TPH1: variants seen among roughly 807,000 people sequenced by gnomAD.
The protein encoded by TPH1 is tryptophan 5-hydroxylase 1.
A neutral mutation model predicts 49.5 loss-of-function variants in TPH1; 37 were observed. That is an observed-to-expected ratio of 0.75 (90% CI 0.58 to 0.98). The LOEUF (loss-of-function observed/expected upper bound fraction) is 0.98. Ranked by LOEUF, TPH1 falls within the 50% of genes least tolerant of loss-of-function variation. The probability of loss-of-function intolerance (pLI) is 0.00; values close to 1 mark genes in which losing one functional copy is unlikely to be tolerated. For missense variants in TPH1, 487 were observed against 523.6 expected (o/e 0.93, Z 0.68); for synonymous variants, 160 against 182.1 (o/e 0.88, Z 0.98).
Position 18,019,330 on chromosome 11 carries a change from T to C in TPH1, c.*1661A>G. ...AGTAGCTGACTAAACCTAAAAATGA[T>C]TGAAAATACGATGTTTAATATACCA... On this transcript the variant is annotated 3_prime_UTR_variant, in exon 11 of 11. Transcript: ENST00000682019. 1 of 167,338 alleles carries C rather than the reference T, an allele frequency of 6.0e-6. No individual in the cohort carries two copies. Among genetic ancestry groups the C allele is most frequent in the Admixed American group, 6.0e-5 (1 of 16,626 alleles). The allele number at this position is 167,338 out of a possible 1,614,324, so 10.4% of individuals were successfully genotyped here. A position where few individuals can be genotyped will look rare whatever the true frequency, so the allele number is the denominator to read the frequency against.
intron 1 of TPH1, among the ~76,000 whole-genome samples, chr11:18,042,060 C>CA (rs1394228973): frequency 3.3e-5 from 5 of 152,180 alleles, no homozygotes; most frequent in Non-Finnish European, 2.9e-5. Context: ...GGAGTACACT[C>CA]AACCACCCCT....
intron 3 of TPH1, among the ~76,000 whole-genome samples, chr11:18,035,396 C>T (rs1467596691): frequency 1.5e-5 from 1 of 65,220 alleles, no homozygotes. Flanking sequence ...CTTTCTTTTT[C>T]TTTCTTTTTT....
At chr11:18,029,391 G>A (rs781581826) in intron 5 of TPH1, 30 bp from the exon 6 acceptor site, 7 of 1,600,416 alleles carry the variant, frequency 4.4e-6, no homozygotes, top group South Asian at 1.1e-5. Context: ...GAGTTGTTTT[G>A]AATTAGCATT....
At chr11:18,040,863 T>G in intron 1 of TPH1, 75 bp from the exon 2 acceptor site, 6 of 1,363,408 alleles carry the variant, frequency 4.4e-6, no homozygotes, top group Non-Finnish European at 6.1e-6. Context: ...AACTAAGGGC[T>G]CATTTACTTC....
intron 1 of TPH1, among the ~76,000 whole-genome samples, chr11:18,043,809 T>G (rs1590269721): frequency 6.6e-6 from 1 of 151,674 alleles, no homozygotes; most frequent in Non-Finnish European, 1.5e-5. Context: ...TAGGCTGCAG[T>G]GATCCATGAT....
At position 18,033,367 on chromosome 11, in the gene TPH1, T is replaced by C. The variant is rs760209402; in HGVS notation, c.309A>G (p.Glu103=). Reference sequence around the variant, plus strand: ...TCTTCTTTGGAAACCAAGGAACAGTTTCCATACCTGTAAAATTTAAAATAA... The same window carrying C: ...TCTTCTTTGGAAACCAAGGAACAGTCTCCATACCTGTAAAATTTAAAATAA... ...DNFTLKEDGM[E]TVPWFPKKIS... The change falls in exon 4 of 11, where the codon GAA becomes GAG. Residue 103 remains glutamate, a synonymous_variant. Coordinates refer to ENST00000682019, the MANE Select transcript of TPH1 (RefSeq NM_004179.3). The C allele has an allele frequency of 6.2e-7, 1 of 1,609,764 alleles. No homozygotes were observed.
intron 9 of TPH1, 99 bp downstream of exon 9, chr11:18,023,789 T>C: frequency 8.5e-6 from 7 of 824,662 alleles, no homozygotes; most frequent in Non-Finnish European, 1.0e-5. Flanking sequence ...TCCCCAAGTA[T>C]GTTCCATAGT....
rs762098899 is a variant in TPH1 at position 18,026,627 on chromosome 11, T to G, written c.668-2A>C. 1 of 1,614,024 alleles carries G rather than the reference T, an allele frequency of 6.2e-7. No homozygotes were observed. Among genetic ancestry groups the G allele is most frequent in the Non-Finnish European group, 8.5e-7 (1 of 1,179,940 alleles). On this transcript the variant is annotated splice_acceptor_variant, in intron 6 of 10. Coordinates refer to ENST00000682019, the MANE Select transcript of TPH1 (RefSeq NM_004179.3). LOFTEE classifies it high-confidence loss of function. ...GACGGATGGAAAAACCTGTACGCTC[T>G]GCAAAGCAAAGGAGAAAACAAAGAA...
chr11:18,045,451 A>G (rs560646067), intron 1 of TPH1, among the ~76,000 whole-genome samples: 1 of 150,770 alleles, frequency 6.6e-6, no homozygotes, highest in African/African-American at 2.5e-5. Context: ...ATAACTTTAC[A>G]GAAACATTGA....
At chr11:18,031,170 C>G (rs1225350468) in intron 4 of TPH1, among the ~76,000 whole-genome samples, 1 of 152,130 alleles carries the variant, frequency 6.6e-6, no homozygotes, top group Non-Finnish European at 1.5e-5. Context: ...CTGTCTATTT[C>G]TATGTATTTT....
chr11:18,036,949 G>GA (rs1848052764), intron 2 of TPH1, among the ~76,000 whole-genome samples: 1 of 152,158 alleles, frequency 6.6e-6, no homozygotes, highest in Admixed American at 6.5e-5. Flanking sequence ...GGAAGATTAA[G>GA]AAAATAAAGT....
At chr11:18,045,181 A>C (rs1212822667) in intron 1 of TPH1, among the ~76,000 whole-genome samples, 1 of 152,246 alleles carries the variant, frequency 6.6e-6, no homozygotes. Context: ...TGAAGACAGA[A>C]CTAAAAACTG....
rs369788603 is a variant in TPH1 at position 18,038,993 on chromosome 11, CAT to C, written c.117+1651_117+1652del. On this transcript the variant is annotated intron_variant, in intron 2 of 10. Transcript: ENST00000682019. ...GTGTGAAGTTGATAACTTGAAAAGA[CAT>C]ATAAGAGCAATGTTTAGATTTCATA... is the stretch of plus-strand genomic sequence containing the variant. Among the ~76,000 whole-genome samples, 521 of 152,070 alleles carry C rather than the reference CAT, an allele frequency of 3.4e-3. 4 individuals are homozygous for C. The highest frequency in any genetic ancestry group is 0.01 in the Middle Eastern group (3 of 292).
At chr11:18,024,115 A>G (rs1474516305) in intron 8 of TPH1, 132 bp from the exon 9 acceptor site, 1 of 720,478 alleles carries the variant, frequency 1.4e-6, no homozygotes, top group African/African-American at 1.7e-5. Flanking sequence ...AAGTCTTTCT[A>G]CAATCTGACC....
At chr11:18,031,625 T>A (rs1390922664) in intron 4 of TPH1, among the ~76,000 whole-genome samples, 1 of 152,100 alleles carries the variant, frequency 6.6e-6, no homozygotes, top group African/African-American at 2.4e-5. Context: ...GTAGTAGGGA[T>A]GAATAAGGAA....
rs776425601 is a variant in TPH1 at position 18,029,512 on chromosome 11, T to G, written c.470A>C (p.His157Pro). ...ACTATATTTTTTTAAATATACTTACTGTTTATAGTTCATAGCCAAGTCCGC... is the reference window on the plus strand; with the variant it reads ...ACTATATTTTTTTAAATATACTTACGGTTTATAGTTCATAGCCAAGTCCGC... ...YFADLAMNYK[H>P]GDPIPKVEFT... The change falls in exon 5 of 11, where the codon CAT (histidine) becomes CCT (proline). Residue 157 changes from histidine (H) to proline (P), a missense_variant and splice_region_variant. By Grantham distance (77) the His-to-Pro change is moderately conservative (BLOSUM62 -2). Transcript: ENST00000682019. 18 of 1,608,184 alleles carry G rather than the reference T, an allele frequency of 1.1e-5. No homozygotes were observed. The highest frequency in any genetic ancestry group is 1.3e-5 in the Non-Finnish European group (15 of 1,175,434).
intron 8 of TPH1, among the ~76,000 whole-genome samples, chr11:18,024,455 GT>G (rs1847907636): frequency 6.6e-6 from 1 of 152,178 alleles, no homozygotes; most frequent in Non-Finnish European, 1.5e-5. Flanking sequence ...TGCTTCTGTA[GT>G]TAACCTTTTG....
At chr11:18,028,698 G>A (rs1847953397) in intron 6 of TPH1, among the ~76,000 whole-genome samples, 1 of 152,096 alleles carries the variant, frequency 6.6e-6, no homozygotes, top group Non-Finnish European at 1.5e-5. Context: ...GCCCAATCCT[G>A]GATCCAATAC....
chr11:18,036,412 A>G (rs1848048836), intron 2 of TPH1, among the ~76,000 whole-genome samples: 1 of 152,260 alleles, frequency 6.6e-6, no homozygotes, highest in East Asian at 1.9e-4. Context: ...TCAGAATTCA[A>G]ATCAAAATAT....
Sources: gnomAD v4.1 joint callset for allele counts (sites outside exome capture counted in the v4.1 genomes callset) on GRCh38, gnomAD v4.1.1 for gene constraint, MANE v1.5 for transcripts, NCBI Gene and HGNC (gene_info 2026-07-23, HGNC 2026-07-21) for gene names.